The following ARHGEF28 variants were observed in gnomAD, a reference collection of about 807,000 sequenced individuals.
The protein encoded by ARHGEF28 is Rho guanine nucleotide exchange factor 28.
In ARHGEF28, 152 loss-of-function variants were observed where a neutral mutation model predicts 206.6. The ratio of observed to expected loss-of-function variants is 0.74; its 90% CI spans 0.64 to 0.84. The LOEUF (loss-of-function observed/expected upper bound fraction) is 0.84. Among genes scored for constraint, ARHGEF28 ranks in the 40% least tolerant of loss-of-function variants. The probability of loss-of-function intolerance (pLI) is 0.00; values close to 1 mark genes in which losing one functional copy is unlikely to be tolerated. For missense variants in ARHGEF28, 2,028 were observed against 2,073.2 expected (o/e 0.98, Z 0.42); for synonymous variants, 763 against 776.4 (o/e 0.98, Z 0.29).
At chr5:73,891,149 C>T (rs1323467117) in intron 26 of ARHGEF28, among the ~76,000 whole-genome samples, 1 of 152,154 alleles carries the variant, frequency 6.6e-6, no homozygotes, top group Non-Finnish European at 1.5e-5. Context: ...CATTCCCACC[C>T]ACCAAGGGCT....
intron 4 of ARHGEF28, among the ~76,000 whole-genome samples, chr5:73,763,206 C>A (rs1164498529): frequency 2.0e-5 from 3 of 152,168 alleles, no homozygotes; most frequent in Non-Finnish European, 4.4e-5. Flanking sequence ...ATACTGATTT[C>A]CGGTTTGGTT....
chr5:73,901,450 A>C, intron 31 of ARHGEF28, 166 bp downstream of exon 31: 1 of 529,448 alleles, frequency 1.9e-6, no homozygotes, highest in Non-Finnish European at 3.4e-6. Context: ...TTTCTTCTTC[A>C]AATGTGCTTG....
At position 73,879,373 on chromosome 5, in the gene ARHGEF28, T is replaced by A. The variant is rs187511707; in HGVS notation, c.2815-3099T>A. Among the ~76,000 whole-genome samples, 145 of 152,352 alleles carry A rather than the reference T, an allele frequency of 9.5e-4. 6 individuals carry two copies. In the East Asian group the frequency reaches 0.023, roughly 24 times the overall value. On this transcript the variant is annotated intron_variant, in intron 22 of 35. Transcript: ENST00000513042. Reference sequence around the variant, plus strand: ...AACTTCTTTGCCTTTGGTTTGAATTTCCTCCTGTGGCTCAGAGTAGTTTGA... The same window carrying A: ...AACTTCTTTGCCTTTGGTTTGAATTACCTCCTGTGGCTCAGAGTAGTTTGA...
intron 2 of ARHGEF28, 104 bp downstream of exon 2, chr5:73,684,988 C>G (rs1278975263): frequency 1.6e-6 from 2 of 1,264,436 alleles, no homozygotes; most frequent in Non-Finnish European, 2.2e-6. Context: ...TGAGTTAAGG[C>G]TTTTTAAAAA....
At chr5:73,709,636 G>C (rs998757622) in intron 2 of ARHGEF28, among the ~76,000 whole-genome samples, 1 of 152,150 alleles carries the variant, frequency 6.6e-6, no homozygotes, top group South Asian at 2.1e-4. Flanking sequence ...TTGCTAACAG[G>C]CTTCAGATGT....
intron 2 of ARHGEF28, among the ~76,000 whole-genome samples, chr5:73,716,314 G>A (rs1286199093): frequency 6.6e-6 from 1 of 152,162 alleles, no homozygotes; most frequent in Non-Finnish European, 1.5e-5. Context: ...GGAATGTTGA[G>A]GGCCTGTTTG....
At chr5:73,800,993 G>A (rs1464357241) in intron 9 of ARHGEF28, among the ~76,000 whole-genome samples, 1 of 151,248 alleles carries the variant, frequency 6.6e-6, no homozygotes, top group African/African-American at 2.5e-5. Flanking sequence ...GGGAAATGGT[G>A]CAGTCAATAA....
At position 73,749,884 on chromosome 5, in the gene ARHGEF28, T is replaced by C; in HGVS notation, c.81T>C (p.Pro27=). The change falls in exon 3 of 36, where the codon CCT becomes CCC. Residue 27 remains proline, a synonymous_variant. Transcript: ENST00000513042. Reference sequence around the variant, plus strand: ...AGTTTGACAAAAATGTGTATCTTCCTGAAGATGCTGAGTTTTACTTTACTT... The same window carrying C: ...AGTTTGACAAAAATGTGTATCTTCCCGAAGATGCTGAGTTTTACTTTACTT... ...YAKFDKNVYL[P]EDAEFYFTYD... The C allele has an allele frequency of 6.2e-7, 1 of 1,614,028 alleles. No individual in the cohort carries two copies. The highest frequency in any genetic ancestry group is 8.5e-7 in the Non-Finnish European group (1 of 1,179,886).
chr5:73,833,274 G>A (rs979981517), intron 10 of ARHGEF28, among the ~76,000 whole-genome samples: 1 of 152,134 alleles, frequency 6.6e-6, no homozygotes, highest in Non-Finnish European at 1.5e-5. Flanking sequence ...TCTACTCACT[G>A]AGCAGTAAGA....
At chr5:73,728,073 G>C (rs969991113) in intron 2 of ARHGEF28, among the ~76,000 whole-genome samples, 2 of 152,186 alleles carry the variant, frequency 1.3e-5, no homozygotes, top group African/African-American at 4.8e-5. Context: ...AGTTGGTGAA[G>C]TTCGTCTTGT....
chr5:73,881,734 G>A (rs984199979), intron 22 of ARHGEF28, among the ~76,000 whole-genome samples: 7 of 152,140 alleles, frequency 4.6e-5, no homozygotes, highest in Admixed American at 4.6e-4. Flanking sequence ...TAAAAAAATG[G>A]CATTCAAGTC....
chr5:73,879,213 G>A (rs551285964), intron 22 of ARHGEF28, among the ~76,000 whole-genome samples: 6 of 152,064 alleles, frequency 3.9e-5, no homozygotes, highest in Non-Finnish European at 7.4e-5. Flanking sequence ...CCAGCTGATC[G>A]CATCGGCTCC....
chr5:73,743,268 C>G (rs958337144), intron 2 of ARHGEF28, among the ~76,000 whole-genome samples: 15 of 151,926 alleles, frequency 9.9e-5, no homozygotes, highest in African/African-American at 3.6e-4. Flanking sequence ...TTCTTTCATC[C>G]CTTTACAGAT....
chr5:73,768,733 G>A (rs1753048012), intron 4 of ARHGEF28, among the ~76,000 whole-genome samples: 1 of 152,008 alleles, frequency 6.6e-6, no homozygotes, highest in South Asian at 2.1e-4. Flanking sequence ...AGACTTTGAG[G>A]GACCATTGGG....
chr5:73,711,713 C>A (rs1432028370), intron 2 of ARHGEF28, among the ~76,000 whole-genome samples: 4 of 151,846 alleles, frequency 2.6e-5, no homozygotes, highest in African/African-American at 9.7e-5. Context: ...TTTATTGGTG[C>A]TTTGAGATTT....
At chr5:73,791,262 T>C (rs189908285) in intron 7 of ARHGEF28, among the ~76,000 whole-genome samples, 3 of 152,230 alleles carry the variant, frequency 2.0e-5, no homozygotes, top group African/African-American at 4.8e-5. Context: ...TTACAGCCTA[T>C]TGAGAAAAAA....
At chr5:73,696,685 A>G (rs1268546222) in intron 2 of ARHGEF28, among the ~76,000 whole-genome samples, 2 of 152,210 alleles carry the variant, frequency 1.3e-5, no homozygotes, top group African/African-American at 2.4e-5. Flanking sequence ...AATCCTTCCA[A>G]TGGCATAATC....
At chr5:73,842,539 A>G (rs1758050819) in intron 11 of ARHGEF28, among the ~76,000 whole-genome samples, 1 of 152,238 alleles carries the variant, frequency 6.6e-6, no homozygotes, top group Non-Finnish European at 1.5e-5. Context: ...CTGGGTAGTC[A>G]CTACTATAAT....
intron 2 of ARHGEF28, among the ~76,000 whole-genome samples, chr5:73,743,074 C>T (rs1208945196): frequency 3.9e-5 from 6 of 152,092 alleles, no homozygotes; most frequent in African/African-American, 9.7e-5. Flanking sequence ...TTTACCTACT[C>T]GCTATTCCTC....
Sources: allele counts gnomAD v4.1 joint callset (sites outside exome capture counted in the v4.1 genomes callset), GRCh38; gene constraint gnomAD v4.1.1; transcripts MANE v1.5; gene names NCBI Gene and HGNC (gene_info 2026-07-23, HGNC 2026-07-21).